The following PRKD1 variants were observed in gnomAD, a reference collection of about 807,000 sequenced individuals.
PRKD1 encodes protein kinase D1.
Under a neutral mutation model 95.9 loss-of-function variants are expected in PRKD1, and 63 were observed. That is an observed-to-expected ratio of 0.66 (90% CI 0.54 to 0.81). PRKD1 has a LOEUF of 0.81. Ranked by LOEUF, PRKD1 falls within the 30% of genes least tolerant of loss-of-function variation. PRKD1 has a pLI of 0.00. For missense variants in PRKD1, 1,048 were observed against 1,165.3 expected, an observed-to-expected ratio of 0.90 and a Z score of 1.47; for synonymous variants, 425 against 423.1, an observed-to-expected ratio of 1.00 and a Z score of -0.05.
intron 1 of PRKD1, among the ~76,000 whole-genome samples, chr14:29,771,467 A>G (rs1566591044): frequency 6.6e-6 from 1 of 152,126 alleles, no homozygotes; most frequent in Non-Finnish European, 1.5e-5. Context: ...TCTTCCAGTT[A>G]GCACAGGTGG....
At chr14:29,722,953 C>A (rs1295773313) in intron 2 of PRKD1, among the ~76,000 whole-genome samples, 1 of 151,980 alleles carries the variant, frequency 6.6e-6, no homozygotes, top group African/African-American at 2.4e-5. Context: ...AGTCAGGGAA[C>A]AGGAATGTGC....
At chr14:29,710,268 C>A (rs1310179438) in intron 2 of PRKD1, among the ~76,000 whole-genome samples, 3 of 151,924 alleles carry the variant, frequency 2.0e-5, no homozygotes, top group Non-Finnish European at 4.4e-5. Flanking sequence ...CAGAGTTGGG[C>A]AAAGGAAGAA....
At chr14:29,656,465 T>C in intron 4 of PRKD1, 1 of 1,533,250 alleles carries the variant, frequency 6.5e-7, no homozygotes, top group Non-Finnish European at 8.7e-7. Flanking sequence ...CCAGGTAGCA[T>C]TAGTACCTAC....
chr14:29,762,409 C>T (rs910472188), intron 1 of PRKD1, among the ~76,000 whole-genome samples: 1 of 152,152 alleles, frequency 6.6e-6, no homozygotes, highest in Non-Finnish European at 1.5e-5. Context: ...CTAGTCAAAT[C>T]AGAAGACAGG....
intron 1 of PRKD1, among the ~76,000 whole-genome samples, chr14:29,844,790 G>T (rs1302541394): frequency 6.6e-6 from 1 of 152,166 alleles, no homozygotes; most frequent in Admixed American, 6.5e-5. Context: ...ATACCAAGTT[G>T]TTAATGGCCC....
chr14:29,662,165 C>A (rs1321367292), intron 4 of PRKD1, among the ~76,000 whole-genome samples: 2 of 152,090 alleles, frequency 1.3e-5, no homozygotes, highest in Non-Finnish European at 2.9e-5. Context: ...AGAAACCATA[C>A]ATTTATATAC....
chr14:29,751,688 G>A (rs1887485657), intron 1 of PRKD1, among the ~76,000 whole-genome samples: 1 of 152,126 alleles, frequency 6.6e-6, no homozygotes, highest in Non-Finnish European at 1.5e-5. Context: ...ATATATACAT[G>A]GCAGAGAATT....
At chr14:29,888,753 C>T (rs1050958794) in intron 1 of PRKD1, among the ~76,000 whole-genome samples, 2 of 152,260 alleles carry the variant, frequency 1.3e-5, no homozygotes, top group African/African-American at 4.8e-5. Context: ...CTCAATAATG[C>T]AGAATTTATT....
intron 1 of PRKD1, among the ~76,000 whole-genome samples, chr14:29,841,188 G>A (rs1891828890): frequency 6.6e-6 from 1 of 152,240 alleles, no homozygotes; most frequent in East Asian, 1.9e-4. Flanking sequence ...CTCATAGGCA[G>A]AAGAGACTTG....
intron 1 of PRKD1, among the ~76,000 whole-genome samples, chr14:29,764,611 G>A (rs1474933401): frequency 6.6e-6 from 1 of 152,140 alleles, no homozygotes; most frequent in Non-Finnish European, 1.5e-5. Flanking sequence ...TGGGCAGAAG[G>A]AACGGAAGAG....
At chr14:29,653,943 T>C (rs979214770) in intron 4 of PRKD1, among the ~76,000 whole-genome samples, 3 of 152,160 alleles carry the variant, frequency 2.0e-5, no homozygotes, top group East Asian at 1.9e-4. Flanking sequence ...TATATAGATA[T>C]ATTTCAAATT....
chr14:29,718,767 C>T (rs2139375656), intron 2 of PRKD1, among the ~76,000 whole-genome samples: 1 of 152,240 alleles, frequency 6.6e-6, no homozygotes, highest in Non-Finnish European at 1.5e-5. Context: ...AAGGCCAGGT[C>T]TTATAAAACC....
intron 1 of PRKD1, among the ~76,000 whole-genome samples, chr14:29,925,383 G>A (rs1895261049): frequency 6.6e-6 from 1 of 152,150 alleles, no homozygotes; most frequent in African/African-American, 2.4e-5. Context: ...AAAGATTACT[G>A]AGGCTTCTAG....
At chr14:29,631,424 C>T (rs956571684) in intron 9 of PRKD1, among the ~76,000 whole-genome samples, 1 of 151,544 alleles carries the variant, frequency 6.6e-6, no homozygotes, top group African/African-American at 2.4e-5. Context: ...TTAAGGCACT[C>T]AATACATGTT....
At chr14:29,868,160 T>C (rs1892976427) in intron 1 of PRKD1, among the ~76,000 whole-genome samples, 1 of 152,144 alleles carries the variant, frequency 6.6e-6, no homozygotes. Context: ...ATGTTGTGAG[T>C]GTGTATGTGT....
chr14:29,876,635 A>C (rs980481940), intron 1 of PRKD1, among the ~76,000 whole-genome samples: 142 of 148,008 alleles, frequency 9.6e-4, no homozygotes, highest in African/African-American at 3.3e-3. Flanking sequence ...ATGGGCTTGC[A>C]AAAAAAAAAG....
intron 1 of PRKD1, among the ~76,000 whole-genome samples, chr14:29,740,985 T>G (rs1325657913): frequency 3.3e-5 from 5 of 152,244 alleles, no homozygotes; most frequent in Non-Finnish European, 4.4e-5. Flanking sequence ...GACATTATCC[T>G]TAGCAAACTA....
chr14:29,741,765 A>AT (rs1197668403), intron 1 of PRKD1, among the ~76,000 whole-genome samples: 1 of 152,058 alleles, frequency 6.6e-6, no homozygotes, highest in Non-Finnish European at 1.5e-5. Context: ...CTTAACTTCC[A>AT]TTTTGTTAAT....
At chr14:29,767,435 CT>C (rs1566588821) in intron 1 of PRKD1, among the ~76,000 whole-genome samples, 1 of 152,066 alleles carries the variant, frequency 6.6e-6, no homozygotes, top group East Asian at 1.9e-4. Flanking sequence ...GTGGTTATAC[CT>C]TTTGGAGCCA....
Sources: gnomAD v4.1 joint callset for allele counts (sites outside exome capture counted in the v4.1 genomes callset) on GRCh38, gnomAD v4.1.1 for gene constraint, MANE v1.5 for transcripts, NCBI Gene and HGNC (gene_info 2026-07-23, HGNC 2026-07-21) for gene names.